NCOR1: variants seen among roughly 807,000 people sequenced by gnomAD.
The protein encoded by NCOR1 is nuclear receptor corepressor 1, also known as protein phosphatase 1, regulatory subunit 109.
A neutral mutation model predicts 288.1 loss-of-function variants in NCOR1; 63 were observed. That is an observed-to-expected ratio of 0.22 (90% CI 0.18 to 0.27). NCOR1 has a LOEUF of 0.27. Among genes scored for constraint, NCOR1 ranks in the 10% least tolerant of loss-of-function variants. NCOR1 has a pLI of 1.00. For missense variants in NCOR1, 2,397 were observed against 3,019.2 expected, an observed-to-expected ratio of 0.79 and a Z score of 4.83; for synonymous variants, 1,007 against 1,065.9, an observed-to-expected ratio of 0.94 and a Z score of 1.08.
At chr17:16,071,374 TCA>T (rs2061745984) in intron 30 of NCOR1, 33 bp downstream of exon 30, 4 of 1,592,320 alleles carry the variant, frequency 2.5e-6, no homozygotes, top group African/African-American at 2.7e-5. Context: ...TCCATAAATA[TCA>T]GTTACTGACA....
At chr17:16,148,163 TC>T (rs2078283856) in intron 9 of NCOR1, among the ~76,000 whole-genome samples, 1 of 152,160 alleles carries the variant, frequency 6.6e-6, no homozygotes, top group Middle Eastern at 3.2e-3. Flanking sequence ...TTATGCAACC[TC>T]CAGGACAGTA....
chr17:16,179,331 T>C (rs759205874), intron 3 of NCOR1, among the ~76,000 whole-genome samples: 1 of 152,102 alleles, frequency 6.6e-6, no homozygotes, highest in Non-Finnish European at 1.5e-5. Flanking sequence ...TAAGGAACTA[T>C]ATGAACCATT....
intron 5 of NCOR1, among the ~76,000 whole-genome samples, chr17:16,164,318 A>G (rs1252500534): frequency 6.6e-6 from 1 of 152,102 alleles, no homozygotes; most frequent in East Asian, 1.9e-4. Flanking sequence ...GTGAAGTGAC[A>G]GGCCAAAAAC....
rs2153190896 is a variant in NCOR1, at chr17:16,126,207, C to T, written c.1510-1G>A. ...CTTCTTGCGAGGGTCGAGCAATTTG[C>T]TGCTAGAATGAACCATCATTTGTAA... On this transcript the variant is annotated splice_acceptor_variant, in intron 14 of 45. Coordinates refer to ENST00000268712, the MANE Select transcript of NCOR1 (RefSeq NM_006311.4). LOFTEE classifies it high-confidence loss of function. 2.0e-6 allele frequency: 3 copies of T among 1,509,620 alleles called. No individual in the cohort carries two copies. Among genetic ancestry groups the T allele is most frequent in the Non-Finnish European group, 2.6e-6 (3 of 1,134,182 alleles). 93.5% of individuals were successfully genotyped at this position (1,509,620 alleles called of 1,614,324 possible). A position where few individuals can be genotyped will look rare whatever the true frequency, so the allele number is the denominator to read the frequency against.
intron 1 of NCOR1, among the ~76,000 whole-genome samples, chr17:16,207,273 T>C (rs2091624024): frequency 6.6e-6 from 1 of 152,228 alleles, no homozygotes; most frequent in African/African-American, 2.4e-5. Flanking sequence ...AATCTCTATG[T>C]TATTGCCAGG....
intron 3 of NCOR1, among the ~76,000 whole-genome samples, chr17:16,175,762 T>C (rs1311384822): frequency 6.6e-6 from 1 of 151,212 alleles, no homozygotes; most frequent in East Asian, 1.9e-4. Flanking sequence ...CATGCGCCTG[T>C]AATCTGAGCT....
rs139563069 is a variant in NCOR1, at chr17:16,058,574, A to G, written c.5907T>C (p.Pro1969=). The part of the protein sequence containing the change: ...SSLSSHRYET[P]SDAIEVISPA... ...GACTTATCACCTCAATAGCATCGCT[A>G]GGTGTTTCATACCTGTGAGAAGATA... The change falls in exon 38 of 46, where the codon CCT becomes CCC. Residue 1969 remains proline (P), a synonymous_variant. Coordinates refer to ENST00000268712, the MANE Select transcript of NCOR1 (RefSeq NM_006311.4). 3.0e-5 allele frequency: 48 copies of G among 1,611,788 alleles called. No individual in the cohort carries two copies. The highest frequency in any genetic ancestry group is 2.2e-5 in the Non-Finnish European group (26 of 1,179,012).
chr17:16,127,705 A>ATGTG lies in NCOR1; in HGVS notation c.1510-1503_1510-1500dup, dbSNP rs368873155. 9.0e-5 allele frequency among the ~76,000 whole-genome samples: 12 copies of ATGTG among 133,506 alleles called. 1 individual carries two copies. The highest frequency in any genetic ancestry group is 3.4e-4 in the African/African-American group (12 of 35,738). The allele number at this position is 133,506 out of a possible 152,430, so 87.6% of individuals were successfully genotyped here. On this transcript the variant is annotated intron_variant, in intron 14 of 45. Coordinates refer to ENST00000268712, the MANE Select transcript of NCOR1 (RefSeq NM_006311.4). ...TGTGTATATATACATATATGTATAT[A>ATGTG]TGTGTGTGTATATATACATATATGT...
chr17:16,149,822 A>T (rs914732623), intron 8 of NCOR1, among the ~76,000 whole-genome samples: 26 of 152,194 alleles, frequency 1.7e-4, no homozygotes, highest in Non-Finnish European at 5.9e-5. Context: ...TATCCTTCTT[A>T]ACAACTCTGG....
rs1305162373 is a variant in NCOR1 at position 16,068,005 on chromosome 17, G to A, written c.4630C>T (p.His1544Tyr). 6.2e-7 allele frequency: 1 copy of A among 1,614,228 alleles called. No individual in the cohort carries two copies. The highest frequency in any genetic ancestry group is 1.7e-5 in the Admixed American group (1 of 60,024). The change falls in exon 32 of 46, where the codon CAC becomes TAC. Residue 1544 changes from histidine to tyrosine, a missense_variant. Physicochemically the swap from His to Tyr is moderately conservative, Grantham distance 83. Transcript: ENST00000268712. ...CTGTGATGGGGATCAAACGGACTGTGGCTCACGACAGGGTCCACCCCAGGC... is the reference window on the plus strand; with the variant it reads ...CTGTGATGGGGATCAAACGGACTGTAGCTCACGACAGGGTCCACCCCAGGC... ...PVPGVDPVVSHSPFDPHHRGS... is the reference protein window; with the variant it reads ...PVPGVDPVVSYSPFDPHHRGS...
intron 14 of NCOR1, among the ~76,000 whole-genome samples, chr17:16,135,114 G>A (rs1203479710): frequency 7.6e-6 from 1 of 131,282 alleles, no homozygotes; most frequent in African/African-American, 3.0e-5. Context: ...AGCCAAGATC[G>A]CACCACTGCA....
intron 2 of NCOR1, among the ~76,000 whole-genome samples, chr17:16,192,699 C>A (rs1056618267): frequency 1.3e-5 from 2 of 151,876 alleles, no homozygotes; most frequent in African/African-American, 2.4e-5. Flanking sequence ...AAAATGTACG[C>A]TCTCCAAAGG....
chr17:16,121,026 T>G, intron 16 of NCOR1, 26 bp downstream of exon 16: 5 of 1,590,904 alleles, frequency 3.1e-6, no homozygotes, highest in Non-Finnish European at 4.3e-6. Context: ...AATTATGGCC[T>G]GTTTATGCCA....
intron 31 of NCOR1, 69 bp from the exon 32 acceptor site, chr17:16,068,190 T>G (rs1287045475): frequency 8.0e-7 from 1 of 1,255,934 alleles, no homozygotes; most frequent in Admixed American, 2.0e-5. Flanking sequence ...TGTCCATTTC[T>G]CAACCATTCA....
intron 45 of NCOR1, among the ~76,000 whole-genome samples, chr17:16,032,770 T>C (rs1219140831): frequency 1.3e-5 from 2 of 152,210 alleles, no homozygotes; most frequent in East Asian, 1.9e-4. Flanking sequence ...TAGTTAAGTC[T>C]ATATCAGATG....
chr17:16,135,158 CA>C (rs577308243), intron 14 of NCOR1, among the ~76,000 whole-genome samples: 4,166 of 35,876 alleles, frequency 0.12, 32 homozygotes, highest in African/African-American at 0.24. Flanking sequence ...GACTCCATCT[CA>C]AAAAAAAAAA....
At chr17:16,203,133 A>C (rs1397086573) in intron 1 of NCOR1, among the ~76,000 whole-genome samples, 1 of 151,970 alleles carries the variant, frequency 6.6e-6, no homozygotes, top group Admixed American at 6.6e-5. Context: ...GCTGCAAAAA[A>C]ACTCCTAACT....
intron 44 of NCOR1, among the ~76,000 whole-genome samples, chr17:16,038,762 T>A (rs1002847840): frequency 4.0e-5 from 6 of 150,460 alleles, no homozygotes; most frequent in Middle Eastern, 3.4e-3. Context: ...TTTATTTTAT[T>A]GTGTGTGTCT....
intron 42 of NCOR1, 94 bp from the exon 43 acceptor site, chr17:16,040,588 T>A: frequency 9.3e-7 from 1 of 1,075,846 alleles, no homozygotes; most frequent in Non-Finnish European, 1.4e-6. Flanking sequence ...AATTAATCTT[T>A]TTATTTTTCA....
Sources: gnomAD v4.1 joint callset for allele counts (sites outside exome capture counted in the v4.1 genomes callset) on GRCh38, gnomAD v4.1.1 for gene constraint, MANE v1.5 for transcripts, NCBI Gene and HGNC (gene_info 2026-07-23, HGNC 2026-07-21) for gene names.